The following TANGO6 variants were observed in gnomAD, a reference collection of about 807,000 sequenced individuals.
TANGO6 encodes the protein transport and golgi organization 6 homolog, also known as transport and Golgi organization protein 6 homolog.
A neutral mutation model predicts 114.2 loss-of-function variants in TANGO6; 90 were observed. That is an observed-to-expected ratio of 0.79 (90% confidence interval 0.66 to 0.94). TANGO6 has a LOEUF of 0.94. TANGO6 is among the 40% of genes least tolerant of loss of function. The pLI is 0.00. For missense variants in TANGO6, 1,274 were observed against 1,315.3 expected (o/e 0.97, Z 0.49); for synonymous variants, 477 against 509.8 (o/e 0.94, Z 0.87).
intron 4 of TANGO6, among the ~76,000 whole-genome samples, chr16:68,871,999 A>G (rs1962278152): frequency 6.6e-6 from 1 of 152,028 alleles, no homozygotes; most frequent in Non-Finnish European, 1.5e-5. Flanking sequence ...TAGGAGGCCA[A>G]CGTGGGCGGA....
intron 11 of TANGO6, among the ~76,000 whole-genome samples, chr16:68,918,557 C>A (rs529952359): frequency 8.5e-5 from 13 of 152,220 alleles, no homozygotes; most frequent in African/African-American, 2.9e-4. Context: ...AATTTTCAGG[C>A]AAAATTCATG....
At chr16:68,885,355 A>G (rs1962526017) in intron 7 of TANGO6, among the ~76,000 whole-genome samples, 1 of 152,132 alleles carries the variant, frequency 6.6e-6, no homozygotes, top group Admixed American at 6.6e-5. Context: ...GTTTTTTAGT[A>G]TGTTCATAGG....
chr16:68,979,728 T>C (rs1963804596), intron 15 of TANGO6, among the ~76,000 whole-genome samples: 1 of 152,190 alleles, frequency 6.6e-6, no homozygotes, highest in Admixed American at 6.6e-5. Flanking sequence ...TAAGGTTAAA[T>C]ATTTTCCATA....
intron 6 of TANGO6, 38 bp downstream of exon 6, chr16:68,878,318 A>T: frequency 6.4e-7 from 1 of 1,562,446 alleles, no homozygotes; most frequent in South Asian, 1.2e-5. Context: ...GTGCCTCTAA[A>T]GGACCTTCTT....
intron 17 of TANGO6, among the ~76,000 whole-genome samples, chr16:69,067,139 C>T (rs1400019953): frequency 6.6e-6 from 1 of 152,168 alleles, no homozygotes; most frequent in Non-Finnish European, 1.5e-5. Context: ...TCAAGCAATC[C>T]TCTCACCTTT....
At chr16:69,023,234 T>C (rs767249284) in intron 16 of TANGO6, among the ~76,000 whole-genome samples, 11 of 152,044 alleles carry the variant, frequency 7.2e-5, no homozygotes, top group African/African-American at 1.4e-4. Flanking sequence ...GGCGGGTAGA[T>C]TGCTTGCGGC....
intron 15 of TANGO6, among the ~76,000 whole-genome samples, chr16:69,003,191 A>G (rs557131047): frequency 5.3e-5 from 8 of 152,236 alleles, no homozygotes; most frequent in Non-Finnish European, 1.2e-4. Context: ...TTATGATTTA[A>G]CCATGGATGC....
chr16:69,045,569 C>T (rs921484165), intron 17 of TANGO6, among the ~76,000 whole-genome samples: 3 of 151,202 alleles, frequency 2.0e-5, no homozygotes, highest in Non-Finnish European at 4.4e-5. Context: ...TAGTGAAACC[C>T]CCTCTCTACT....
At chr16:68,998,730 CA>C (rs1180827047) in intron 15 of TANGO6, among the ~76,000 whole-genome samples, 14,356 of 81,266 alleles carry the variant, frequency 0.18, 686 homozygotes, top group Non-Finnish European at 0.2. Context: ...GACTCCATCT[CA>C]AAAAAAAAAA....
chr16:69,053,468 T>C (rs1959986045), intron 17 of TANGO6, among the ~76,000 whole-genome samples: 1 of 152,198 alleles, frequency 6.6e-6, no homozygotes, highest in Admixed American at 6.6e-5. Context: ...CCCCAATCTT[T>C]GCTGAAAGTT....
intron 11 of TANGO6, among the ~76,000 whole-genome samples, chr16:68,909,786 C>T (rs561039659): frequency 2.2e-4 from 34 of 152,278 alleles, no homozygotes; most frequent in African/African-American, 3.8e-4. Flanking sequence ...CGGGCATCTT[C>T]GTCCTACTCA....
intron 17 of TANGO6, among the ~76,000 whole-genome samples, chr16:69,048,989 C>T (rs1597071771): frequency 6.6e-6 from 1 of 152,070 alleles, no homozygotes; most frequent in Non-Finnish European, 1.5e-5. Flanking sequence ...GCTGCTGACC[C>T]GAAGGAGGTA....
At chr16:68,937,413 T>C (rs1963310629) in intron 14 of TANGO6, 2 of 152,256 alleles carry the variant, frequency 1.3e-5, no homozygotes, top group Non-Finnish European at 1.5e-5. Context: ...GTAATTTACA[T>C]ACCTAAAATT....
chr16:68,984,406 G>A (rs970769054), intron 15 of TANGO6, among the ~76,000 whole-genome samples: 1 of 152,088 alleles, frequency 6.6e-6, no homozygotes, highest in Non-Finnish European at 1.5e-5. Flanking sequence ...TTCCTTTCCC[G>A]TTTCTCTTTT....
At chr16:68,923,849 A>G (rs896533288) in intron 12 of TANGO6, among the ~76,000 whole-genome samples, 4 of 149,668 alleles carry the variant, frequency 2.7e-5, no homozygotes, top group African/African-American at 9.7e-5. Context: ...GTTTTTTCAA[A>G]AGGGCATGAG....
chr16:68,846,971 A>T (rs1358070166), intron 1 of TANGO6: 1 of 146,486 alleles, frequency 6.8e-6, no homozygotes, highest in Non-Finnish European at 1.5e-5. Context: ...GCTCATTGCC[A>T]CCTCCGCCTC....
intron 17 of TANGO6, among the ~76,000 whole-genome samples, chr16:69,074,914 T>C (rs1214071509): frequency 3.3e-5 from 5 of 151,840 alleles, no homozygotes; most frequent in Non-Finnish European, 7.4e-5. Flanking sequence ...GTGGCGCCAT[T>C]CTTGGCTCAC....
intron 17 of TANGO6, among the ~76,000 whole-genome samples, chr16:69,074,315 C>G (rs1960340603): frequency 6.6e-6 from 1 of 151,598 alleles, no homozygotes; most frequent in Non-Finnish European, 1.5e-5. Context: ...GAGTCCCGAT[C>G]CAGACCCCAA....
rs924865927 is a variant in TANGO6 at position 69,039,364 on chromosome 16, G to A, written c.2995-944G>A. Reference sequence around the variant, plus strand: ...AAAAAAGTGAGCACAGGCTGGACACGGTGGCTCATACCTGTAATCCTAGCA... The same window carrying A: ...AAAAAAGTGAGCACAGGCTGGACACAGTGGCTCATACCTGTAATCCTAGCA... On this transcript the variant is annotated intron_variant, in intron 16 of 17. Transcript: ENST00000261778. 5.4e-5 allele frequency among the ~76,000 whole-genome samples: 8 copies of A among 149,248 alleles called. No homozygotes were observed. In the South Asian group the frequency reaches 6.3e-4, roughly 12 times the overall value.
Sources: allele counts gnomAD v4.1 joint callset (sites outside exome capture counted in the v4.1 genomes callset), GRCh38; gene constraint gnomAD v4.1.1; transcripts MANE v1.5; gene names NCBI Gene and HGNC (gene_info 2026-07-23, HGNC 2026-07-21).